The following KLHL1 variants were observed in gnomAD, a reference collection of about 807,000 sequenced individuals.
KLHL1 encodes kelch-like protein 1.
KLHL1 carries 47 observed loss-of-function variants against 77.7 expected under a neutral mutation model. The observed-to-expected ratio is 0.60, with a 90% confidence interval of 0.48 to 0.77. KLHL1 has a LOEUF of 0.77. KLHL1 is among the 30% of genes least tolerant of loss of function. KLHL1 has a pLI of 0.00. For missense variants in KLHL1, 925 were observed against 910.8 expected (o/e 1.02, Z -0.20); for synonymous variants, 360 against 325.2 (o/e 1.11, Z -1.15).
At chr13:70,042,525 T>C (rs1410793293) in intron 1 of KLHL1, among the ~76,000 whole-genome samples, 1 of 152,064 alleles carries the variant, frequency 6.6e-6, no homozygotes, top group Non-Finnish European at 1.5e-5. Flanking sequence ...CCAAAAGTAA[T>C]TGCACAATGT....
intron 6 of KLHL1, among the ~76,000 whole-genome samples, chr13:69,820,765 G>A (rs1593860725): frequency 6.6e-6 from 1 of 152,220 alleles, no homozygotes; most frequent in East Asian, 1.9e-4. Context: ...AGAACAGGAG[G>A]TTGCCCGTGC....
chr13:69,969,220 A>G (rs1297987870), intron 2 of KLHL1, among the ~76,000 whole-genome samples: 3 of 152,146 alleles, frequency 2.0e-5, no homozygotes, highest in Non-Finnish European at 2.9e-5. Flanking sequence ...GAAATGCCTT[A>G]TAAGATTCAT....
chr13:69,812,643 T>C (rs1877933814), intron 6 of KLHL1, among the ~76,000 whole-genome samples: 1 of 151,502 alleles, frequency 6.6e-6, no homozygotes, highest in Non-Finnish European at 1.5e-5. Context: ...AACAACCCCA[T>C]CAAAAAGTGG....
intron 7 of KLHL1, among the ~76,000 whole-genome samples, chr13:69,786,110 CTAT>C (rs1382907106): frequency 6.6e-6 from 1 of 152,162 alleles, no homozygotes; most frequent in Non-Finnish European, 1.5e-5. Context: ...CCTTCTGAAA[CTAT>C]TCCAATCAAT....
At chr13:69,921,394 T>A (rs1882627325) in intron 4 of KLHL1, among the ~76,000 whole-genome samples, 3 of 152,196 alleles carry the variant, frequency 2.0e-5, no homozygotes, top group Non-Finnish European at 4.4e-5. Flanking sequence ...GTGTTTCAAA[T>A]AAGCATTTGC....
intron 1 of KLHL1, among the ~76,000 whole-genome samples, chr13:69,989,902 T>C (rs535334051): frequency 6.6e-6 from 1 of 152,144 alleles, no homozygotes; most frequent in African/African-American, 2.4e-5. Flanking sequence ...TCATGTAACT[T>C]GTAAACAGGG....
intron 1 of KLHL1, among the ~76,000 whole-genome samples, chr13:70,059,554 T>C (rs758128811): frequency 2.6e-4 from 39 of 152,128 alleles, no homozygotes; most frequent in Admixed American, 8.5e-4. Flanking sequence ...AGTTAAAATG[T>C]TTTTGCACAG....
At chr13:70,048,028 T>A (rs575403913) in intron 1 of KLHL1, among the ~76,000 whole-genome samples, 1 of 152,318 alleles carries the variant, frequency 6.6e-6, no homozygotes, top group African/African-American at 2.4e-5. Flanking sequence ...TTCATTACTT[T>A]TTCTGTGCGT....
rs570818293 is a variant in KLHL1, at chr13:69,729,832, A to G, written c.1803-10251T>C. 2.0e-5 allele frequency among the ~76,000 whole-genome samples: 3 copies of G among 152,318 alleles called. No individual in the cohort carries two copies. In the East Asian group the frequency reaches 5.8e-4, roughly 29 times the overall value. On this transcript the variant is annotated intron_variant, in intron 8 of 10. Transcript: ENST00000377844. ...TTCACAGAATAGAATTAAAATTCAT[A>G]TTTAATTAAAGTGTAAGCAATTTTG...
At chr13:69,769,596 C>CT (rs1235741063) in intron 7 of KLHL1, among the ~76,000 whole-genome samples, 5 of 152,092 alleles carry the variant, frequency 3.3e-5, no homozygotes, top group African/African-American at 1.2e-4. Context: ...CTGAAAAATA[C>CT]TTTTTAGCTA....
chr13:70,056,519 T>C (rs762089198), intron 1 of KLHL1, among the ~76,000 whole-genome samples: 17 of 152,148 alleles, frequency 1.1e-4, no homozygotes, highest in Non-Finnish European at 2.2e-4. Flanking sequence ...GGCTGCAGAA[T>C]ACACATTCTT....
At chr13:69,873,898 A>G (rs1479722877) in intron 5 of KLHL1, among the ~76,000 whole-genome samples, 1 of 152,196 alleles carries the variant, frequency 6.6e-6, no homozygotes, top group Non-Finnish European at 1.5e-5. Flanking sequence ...TCAAAAATAT[A>G]GTTGTAAGAA....
At chr13:69,867,796 G>A (rs867962401) in intron 5 of KLHL1, among the ~76,000 whole-genome samples, 37 of 131,532 alleles carry the variant, frequency 2.8e-4, no homozygotes, top group African/African-American at 1.1e-3. Context: ...ATAATAAATC[G>A]AACAATGAGA....
chr13:69,769,024 T>G (rs1194594341), intron 7 of KLHL1, among the ~76,000 whole-genome samples: 1 of 152,204 alleles, frequency 6.6e-6, no homozygotes, highest in Non-Finnish European at 1.5e-5. Context: ...TAAGTCTCAT[T>G]CTAGAAGCTA....
Position 70,041,778 on chromosome 13 carries a change from T to G in KLHL1, c.497+65425A>C, listed in dbSNP as rs557928797. ...GGTTTCCCACATGGTCTCCACTGATTGATGGGGAGTGGGAGGGCTTGGCCA... is the reference window on the plus strand; with the variant it reads ...GGTTTCCCACATGGTCTCCACTGATGGATGGGGAGTGGGAGGGCTTGGCCA... On this transcript the variant is annotated intron_variant, in intron 1 of 10. Coordinates refer to ENST00000377844, the MANE Select transcript of KLHL1 (RefSeq NM_020866.3). Among the ~76,000 whole-genome samples, 1,250 of 152,078 alleles carry G rather than the reference T, an allele frequency of 8.2e-3. 7 individuals are homozygous for G. Among genetic ancestry groups the G allele is most frequent in the Middle Eastern group, 0.014 (4 of 294 alleles).
chr13:69,908,826 G>C (rs889519827), intron 4 of KLHL1, among the ~76,000 whole-genome samples: 25 of 151,152 alleles, frequency 1.7e-4, no homozygotes, highest in Middle Eastern at 4.2e-3. Flanking sequence ...ATCCAGTAAT[G>C]TAGAGTTTAT....
At chr13:69,827,453 A>T (rs1328751152) in intron 6 of KLHL1, among the ~76,000 whole-genome samples, 1 of 151,946 alleles carries the variant, frequency 6.6e-6, no homozygotes, top group African/African-American at 2.4e-5. Flanking sequence ...AGTGAGTGTC[A>T]GGGCATGGTG....
chr13:69,725,488 G>A (rs75127872), intron 8 of KLHL1, among the ~76,000 whole-genome samples: 1 of 152,086 alleles, frequency 6.6e-6, no homozygotes, highest in Non-Finnish European at 1.5e-5. Context: ...TTAGTAAGAT[G>A]CTGGAAAGTC....
chr13:69,993,156 G>C (rs995364703), intron 1 of KLHL1, among the ~76,000 whole-genome samples: 1 of 152,010 alleles, frequency 6.6e-6, no homozygotes. Context: ...ATAACACTAC[G>C]TTCTAGAGGC....
Sources: gnomAD v4.1 joint callset for allele counts (sites outside exome capture counted in the v4.1 genomes callset) on GRCh38, gnomAD v4.1.1 for gene constraint, MANE v1.5 for transcripts, NCBI Gene and HGNC (gene_info 2026-07-23, HGNC 2026-07-21) for gene names.